CSAD: variants seen among roughly 807,000 people sequenced by gnomAD.
CSAD encodes P-selectin cytoplasmic tail-associated protein.
A neutral mutation model predicts 61.5 loss-of-function variants in CSAD; 47 were observed. The observed-to-expected ratio is 0.76, with a 90% CI of 0.60 to 0.97. The LOEUF (loss-of-function observed/expected upper bound fraction) is 0.97, where lower values mean the gene tolerates loss of function less well. Among genes scored for constraint, CSAD ranks in the 50% least tolerant of loss-of-function variants. CSAD has a pLI of 0.00. For synonymous variants in CSAD, 245 were observed against 252.7 expected (o/e 0.97, Z 0.29); for missense variants, 611 against 643.6 (o/e 0.95, Z 0.55).
At position 53,170,392 on chromosome 12, in the gene CSAD, G is replaced by A. The variant is rs371324289; in HGVS notation, c.647+31C>T. On this transcript the variant is annotated intron_variant, in intron 9 of 16. Transcript: ENST00000444623. ...AGGAAGTTACGCTGTGCAAAGCTAG[G>A]TCACAGCCATGTGGGCAGAAGGACC... 12 of 1,593,364 alleles carry A rather than the reference G, an allele frequency of 7.5e-6. No individual in the cohort carries two copies. In the African/African-American group the frequency reaches 1.6e-4, roughly 21 times the overall value.
intron 2 of CSAD, among the ~76,000 whole-genome samples, chr12:53,174,307 C>CAAAAAAAAAAA (rs5798236): frequency 9.7e-6 from 1 of 102,928 alleles, no homozygotes; most frequent in Non-Finnish European, 2.2e-5. Flanking sequence ...GACTCCATCT[C>CAAAAAAAAAAA]AAAAAAAAAA....
At chr12:53,175,597 G>C (rs1941044782) in intron 2 of CSAD, among the ~76,000 whole-genome samples, 1 of 152,142 alleles carries the variant, frequency 6.6e-6, no homozygotes, top group African/African-American at 2.4e-5. Context: ...TAAACTAATA[G>C]AAAACAGGGA....
chr12:53,161,132 G>C lies in CSAD; in HGVS notation c.879C>G (p.Ile293Met). 1.2e-6 allele frequency: 2 copies of C among 1,613,994 alleles called. No individual in the cohort carries two copies. Among genetic ancestry groups the C allele is most frequent in the Non-Finnish European group, 1.7e-6 (2 of 1,179,902 alleles). The change falls in exon 12 of 17, where the codon ATC (isoleucine) becomes ATG (methionine). Residue 293 changes from isoleucine to methionine, a missense_variant. Ile to Met is a conservative substitution (Grantham distance 10). Transcript: ENST00000444623. The stretch of plus-strand genomic sequence containing the variant: ...AAGAAGGGGACTGTATGCACCTCTG[G>C]ATCCCATCCAGGAGATGCCTGTGTG... ...SQTHRHLLDGIQRADSVAWNP... is the reference protein window; with the variant it reads ...SQTHRHLLDGMQRADSVAWNP...
At chr12:53,172,965 T>C (rs1940762341) in intron 4 of CSAD, among the ~76,000 whole-genome samples, 2 of 152,130 alleles carry the variant, frequency 1.3e-5, no homozygotes, top group African/African-American at 4.8e-5. Flanking sequence ...CTCAGCACTT[T>C]GGGAGGCCGA....
chr12:53,165,768 C>G (rs1939863509), intron 10 of CSAD, among the ~76,000 whole-genome samples: 2 of 151,868 alleles, frequency 1.3e-5, no homozygotes, highest in South Asian at 4.1e-4. Context: ...GGTACAGCCA[C>G]TATAGAAAAC....
At chr12:53,173,935 C>T (rs1426014980) in intron 2 of CSAD, 165 bp from the exon 3 acceptor site, 1 of 663,900 alleles carries the variant, frequency 1.5e-6, no homozygotes, top group Non-Finnish European at 2.6e-6. Flanking sequence ...TTCCCATTCT[C>T]CCCTTCCCCG....
chr12:53,179,894 T>A (rs1312229349), intron 1 of CSAD: 15 of 1,610,304 alleles, frequency 9.3e-6, no homozygotes, highest in Non-Finnish European at 1.3e-5. Flanking sequence ...TTGAAGACAG[T>A]CTGGTTTCCA....
intron 10 of CSAD, among the ~76,000 whole-genome samples, chr12:53,163,520 C>T (rs1033168835): frequency 6.6e-6 from 1 of 152,132 alleles, no homozygotes; most frequent in African/African-American, 2.4e-5. Context: ...TCTCTATACA[C>T]ATTAGCAATG....
At position 53,173,189 on chromosome 12, in the gene CSAD, T is replaced by TA. The variant is rs1239838812; in HGVS notation, c.126+155dup. 6 of 701,668 alleles carry TA rather than the reference T, an allele frequency of 8.6e-6. No individual in the cohort carries two copies. The East Asian group carries it at 1.8e-4, about 21-fold the overall frequency. 43.5% of individuals were successfully genotyped at this position (701,668 alleles called of 1,614,324 possible). On this transcript the variant is annotated intron_variant, in intron 4 of 16. Transcript: ENST00000444623. ...TGCCACTGCACTCCAGCCTGGCCGA[T>TA]AGAGCGAGACTCTGTCAAGAAAGAA...
rs971985839 is a variant in CSAD at position 53,179,977 on chromosome 12, T to C, written c.-91+755A>G. ...GTCTACTGTGGGAGTCAGGGTCTTT[T>C]CCACGTGTGGAGGCTAGTGTTTGAT... On this transcript the variant is annotated intron_variant, in intron 1 of 16. Coordinates refer to ENST00000444623, the MANE Select transcript of CSAD (RefSeq NM_001244705.2). The C allele has an allele frequency of 5.3e-6, 8 of 1,511,056 alleles. No homozygotes were observed. In the African/African-American group the frequency reaches 1.1e-4, roughly 21 times the overall value. The allele number at this position is 1,511,056 out of a possible 1,614,324, so 93.6% of individuals were successfully genotyped here. A position where few individuals can be genotyped will look rare whatever the true frequency, so the allele number is the denominator to read the frequency against.
chr12:53,159,723 T>C lies in CSAD; in HGVS notation c.1219-11A>G, dbSNP rs771158712. ...ATTGACAAACTCAGGCTGAGAGGAA[T>C]GAGAAAGAGGAAGGTGTGAGCTGAG... On this transcript the variant is annotated splice_polypyrimidine_tract_variant and intron_variant, in intron 15 of 16. Coordinates refer to ENST00000444623, the MANE Select transcript of CSAD (RefSeq NM_001244705.2). The C allele has an allele frequency of 5.0e-6, 8 of 1,602,698 alleles. No individual in the cohort carries two copies. Among genetic ancestry groups the C allele is most frequent in the South Asian group, 1.1e-5 (1 of 89,162 alleles).
Position 53,160,201 on chromosome 12 carries a change from C to A in CSAD, c.1085G>T (p.Cys362Phe), listed in dbSNP as rs766690073. 1.9e-6 allele frequency: 3 copies of A among 1,614,080 alleles called. No individual in the cohort carries two copies. The African/African-American group carries it at 4.0e-5, about 22-fold the overall frequency. ...KVVQCGRRVD[C>F]LKLWLMWKAQ... The stretch of plus-strand genomic sequence containing the variant: ...CTTCCACATGAGCCACAGCTTCAGA[C>A]AGTCCACACGGCGGCCACACTGCAC... The change falls in exon 14 of 17, where the codon TGT (cysteine) becomes TTT (phenylalanine). Residue 362 changes from cysteine (C) to phenylalanine (F), a missense_variant. Transcript: ENST00000444623.
chr12:53,159,503 C>G, intron 16 of CSAD, 120 bp downstream of exon 16: 1 of 757,514 alleles, frequency 1.3e-6, no homozygotes, highest in South Asian at 1.7e-5. Context: ...AGAGCATCCA[C>G]GCCTCAGAGC....
At chr12:53,171,300 G>A (rs762261254) in intron 8 of CSAD, 26 bp downstream of exon 8, 2 of 1,613,724 alleles carry the variant, frequency 1.2e-6, no homozygotes, top group Non-Finnish European at 1.7e-6. Context: ...CAGGAGCCCA[G>A]GGTTGGGCCT....
chr12:53,160,263 C>G lies in CSAD; in HGVS notation c.1023G>C (p.Lys341Asn). The change falls in exon 14 of 17, where the codon AAG becomes AAC. Residue 341 changes from lysine (K) to asparagine (N), a missense_variant. Coordinates refer to ENST00000444623, the MANE Select transcript of CSAD (RefSeq NM_001244705.2). ...SQASYLFQQD[K>N]FYDVALDTGD... is the part of the protein sequence containing the mutation. Reference sequence around the variant, plus strand: ...CCGTGTCCAGAGCCACATCGTAGAACTTGTCCTGCTGGAAAAGGTAGCTGG... The same window carrying G: ...CCGTGTCCAGAGCCACATCGTAGAAGTTGTCCTGCTGGAAAAGGTAGCTGG... The G allele has an allele frequency of 6.2e-7, 1 of 1,614,228 alleles. No homozygotes were observed. The highest frequency in any genetic ancestry group is 2.2e-5 in the East Asian group (1 of 44,890).
chr12:53,173,395 C>G lies in CSAD; in HGVS notation c.76G>C (p.Gly26Arg), dbSNP rs1382695915. The change falls in exon 4 of 17, where the codon GGG (glycine) becomes CGG (arginine). Residue 26 changes from glycine (G) to arginine (R), a missense_variant. Gly to Arg is a moderately radical substitution (Grantham distance 125). Coordinates refer to ENST00000444623, the MANE Select transcript of CSAD (RefSeq NM_001244705.2). ...TGAATGGCCTCATCCACAACAACCC[C>G]AAACACGGCCCGGAGCAAGGCTTCC... Reference protein sequence around the residue: ...AVEALLRAVFGVVVDEAIQKG... With the variant: ...AVEALLRAVFRVVVDEAIQKG... 3 of 1,614,096 alleles carry G rather than the reference C, an allele frequency of 1.9e-6. No homozygotes were observed. Among genetic ancestry groups the G allele is most frequent in the Non-Finnish European group, 2.5e-6 (3 of 1,180,034 alleles).
At position 53,170,111 on chromosome 12, in the gene CSAD, G is replaced by C; in HGVS notation, c.663C>G (p.Pro221=). The C allele has an allele frequency of 6.2e-7, 1 of 1,614,002 alleles. No homozygotes were observed. The highest frequency in any genetic ancestry group is 8.5e-7 in the Non-Finnish European group (1 of 1,179,962). The change falls in exon 10 of 17, where the codon CCC becomes CCG. Residue 221 remains proline, a synonymous_variant. Coordinates refer to ENST00000444623, the MANE Select transcript of CSAD (RefSeq NM_001244705.2). ...VKADERGKMV[P]EDLERQIGMA... is the part of the protein sequence containing the mutation. Reference sequence around the variant, plus strand: ...TACCAATCTGCCTCTCCAGATCCTCGGGGACCATTTTCCCTCTGAAAAAGA... The same window carrying C: ...TACCAATCTGCCTCTCCAGATCCTCCGGGACCATTTTCCCTCTGAAAAAGA...
rs577013067 is a variant in CSAD at position 53,161,258 on chromosome 12, C to G, written c.819+15G>C. The G allele has an allele frequency of 6.2e-7, 1 of 1,613,778 alleles. No homozygotes were observed. Among genetic ancestry groups the G allele is most frequent in the Non-Finnish European group, 8.5e-7 (1 of 1,179,864 alleles). On this transcript the variant is annotated intron_variant, in intron 11 of 16. Transcript: ENST00000444623. ...AGCCCACCCCACCGCACCCCCAAGC[C>G]GAAGTCCCACTCACATCCACATGCA...
At chr12:53,160,045 C>A (rs7969735) in intron 14 of CSAD, 75 bp downstream of exon 14, 1 of 1,602,222 alleles carries the variant, frequency 6.2e-7, no homozygotes, top group South Asian at 1.1e-5. Flanking sequence ...AAAGTAATCC[C>A]GGGAGCAGGA....
Sources: gnomAD v4.1 joint callset for allele counts (sites outside exome capture counted in the v4.1 genomes callset) on GRCh38, gnomAD v4.1.1 for gene constraint, MANE v1.5 for transcripts, NCBI Gene and HGNC (gene_info 2026-07-23, HGNC 2026-07-21) for gene names.